The following TCF7L2 variants were observed in gnomAD, a reference collection of about 807,000 sequenced individuals.
The protein encoded by TCF7L2 is transcription factor 7-like 2.
A neutral mutation model predicts 77.9 loss-of-function variants in TCF7L2; 23 were observed. That is an observed-to-expected ratio of 0.30 (90% CI 0.21 to 0.42). The LOEUF (loss-of-function observed/expected upper bound fraction) is 0.42. Ranked by LOEUF, TCF7L2 falls within the 10% of genes least tolerant of loss-of-function variation. The probability of loss-of-function intolerance (pLI) is 1.00; values close to 1 mark genes in which losing one functional copy is unlikely to be tolerated. For synonymous variants in TCF7L2, 413 were observed against 340.2 expected (o/e 1.21, Z -2.36); for missense variants, 654 against 793.1 (o/e 0.82, Z 2.11).
chr10:112,985,334 A>G (rs2041279525), intron 4 of TCF7L2, among the ~76,000 whole-genome samples: 1 of 152,196 alleles, frequency 6.6e-6, no homozygotes, highest in Non-Finnish European at 1.5e-5. Context: ...TCAGATGGAT[A>G]TCAAAATAGG....
intron 5 of TCF7L2, among the ~76,000 whole-genome samples, chr10:113,116,193 T>A (rs752753855): frequency 6.6e-6 from 1 of 152,188 alleles, no homozygotes; most frequent in Non-Finnish European, 1.5e-5. Context: ...TTTCTCCCTC[T>A]TTTCCCTTCC....
At chr10:113,002,124 C>G (rs898545731) in intron 4 of TCF7L2, among the ~76,000 whole-genome samples, 2 of 152,126 alleles carry the variant, frequency 1.3e-5, no homozygotes, top group South Asian at 4.2e-4. Flanking sequence ...ACTTATGAAG[C>G]CTGTAGGTTG....
intron 5 of TCF7L2, among the ~76,000 whole-genome samples, chr10:113,103,476 G>GA (rs576325969): frequency 3.4e-4 from 51 of 150,882 alleles, no homozygotes; most frequent in Admixed American, 5.3e-4. Context: ...AAGTAAGAAA[G>GA]AAAAAAAAAT....
At position 112,950,822 on chromosome 10, in the gene TCF7L2, A is replaced by G. The variant is rs369358979; in HGVS notation, c.66A>G (p.Lys22=). Residue 22 remains lysine (K), a synonymous_variant, in exon 1 of 14, where the codon AAA becomes AAG. Transcript: ENST00000627217. Reference sequence around the variant, plus strand: ...CCAACGACGAACTGATTTCCTTCAAAGACGAGGGCGAACAGGAGGAGAAGA... The same window carrying G: ...CCAACGACGAACTGATTTCCTTCAAGGACGAGGGCGAACAGGAGGAGAAGA... The G allele has an allele frequency of 6.2e-7, 1 of 1,603,632 alleles. No individual in the cohort carries two copies. Among genetic ancestry groups the G allele is most frequent in the African/African-American group, 1.3e-5 (1 of 74,898 alleles).
At chr10:112,966,612 G>A (rs1182676075) in intron 4 of TCF7L2, among the ~76,000 whole-genome samples, 2 of 152,126 alleles carry the variant, frequency 1.3e-5, no homozygotes, top group Non-Finnish European at 2.9e-5. Flanking sequence ...ATAGGATAGT[G>A]ATCCTTATCT....
chr10:113,085,162 G>C (rs2059704518), intron 5 of TCF7L2, among the ~76,000 whole-genome samples: 1 of 151,688 alleles, frequency 6.6e-6, no homozygotes, highest in African/African-American at 2.4e-5. Flanking sequence ...GATCTTCCAG[G>C]CTTAACCAAA....
intron 11 of TCF7L2, among the ~76,000 whole-genome samples, chr10:113,156,760 T>G (rs2071995113): frequency 6.6e-6 from 1 of 152,216 alleles, no homozygotes; most frequent in Non-Finnish European, 1.5e-5. Context: ...GGCTGGGCAT[T>G]AAACTTGTAG....
At position 112,961,373 on chromosome 10, in the gene TCF7L2, C is replaced by T. The variant is rs529652688; in HGVS notation, c.382-3183C>T. On this transcript the variant is annotated intron_variant, in intron 3 of 13. Transcript: ENST00000627217. Reference sequence around the variant, plus strand: ...GCCTTAGTCATCTTGTCCTGGACTTCGCAGTCTCACCTCATATTCCAAAGC... The same window carrying T: ...GCCTTAGTCATCTTGTCCTGGACTTTGCAGTCTCACCTCATATTCCAAAGC... 1.3e-4 allele frequency among the ~76,000 whole-genome samples: 19 copies of T among 151,592 alleles called. No homozygotes were observed. In the South Asian group the frequency reaches 3.5e-3, roughly 28 times the overall value.
At chr10:113,095,170 T>C (rs2060821973) in intron 5 of TCF7L2, among the ~76,000 whole-genome samples, 1 of 152,110 alleles carries the variant, frequency 6.6e-6, no homozygotes, top group Non-Finnish European at 1.5e-5. Flanking sequence ...TGCAACTGCA[T>C]CTCATGTGGC....
chr10:113,131,454 T>C (rs1020593936), intron 5 of TCF7L2, among the ~76,000 whole-genome samples: 2 of 152,214 alleles, frequency 1.3e-5, no homozygotes, highest in Non-Finnish European at 2.9e-5. Context: ...CAAATGTGTA[T>C]GTTGTGTTAC....
At chr10:113,126,853 A>C in intron 5 of TCF7L2, 1 of 987,032 alleles carries the variant, frequency 1.0e-6, no homozygotes, top group Non-Finnish European at 1.2e-6. Context: ...CGGCAGCGGG[A>C]AGGACAGCGC....
At chr10:113,059,203 T>C (rs1314564853) in intron 5 of TCF7L2, among the ~76,000 whole-genome samples, 1 of 152,164 alleles carries the variant, frequency 6.6e-6, no homozygotes, top group Non-Finnish European at 1.5e-5. Context: ...GGAGGACTTT[T>C]AAATGTTTTC....
chr10:113,154,386 G>A (rs1454306719), intron 11 of TCF7L2, among the ~76,000 whole-genome samples: 2 of 152,142 alleles, frequency 1.3e-5, no homozygotes, highest in Non-Finnish European at 2.9e-5. Context: ...GAGTAATCTA[G>A]AATGATACCA....
At chr10:113,114,839 AATTT>A (rs2063534189) in intron 5 of TCF7L2, among the ~76,000 whole-genome samples, 1 of 152,178 alleles carries the variant, frequency 6.6e-6, no homozygotes, top group African/African-American at 2.4e-5. Context: ...AATTGCTAAG[AATTT>A]TTTTCCAGAT....
intron 5 of TCF7L2, among the ~76,000 whole-genome samples, chr10:113,041,309 TC>T (rs2052399236): frequency 6.6e-6 from 1 of 152,212 alleles, no homozygotes; most frequent in Non-Finnish European, 1.5e-5. Context: ...GCTTCCCCTT[TC>T]CTCTAACTCC....
At chr10:112,998,814 T>C (rs1039400953) in intron 4 of TCF7L2, among the ~76,000 whole-genome samples, 1 of 152,206 alleles carries the variant, frequency 6.6e-6, no homozygotes, top group Non-Finnish European at 1.5e-5. Flanking sequence ...CAACAATACA[T>C]AGTGAAAGTT....
chr10:112,950,327 T>C lies in TCF7L2; in HGVS notation c.-430T>C, dbSNP rs908350765. ...TTCTATCTGTCAATCAGCGCCGCCT[T>C]TGAACTGAAAAGCTCTCAGTCTAAC... On this transcript the variant is annotated 5_prime_UTR_variant, in exon 1 of 14. Transcript: ENST00000627217. 4 of 238,322 alleles carry C rather than the reference T, an allele frequency of 1.7e-5. No homozygotes were observed. Among genetic ancestry groups the C allele is most frequent in the Non-Finnish European group, 3.3e-5 (4 of 121,520 alleles). The allele number at this position is 238,322 out of a possible 1,614,324, so 14.8% of individuals were successfully genotyped here. A position where few individuals can be genotyped will look rare whatever the true frequency, so the allele number is the denominator to read the frequency against.
intron 11 of TCF7L2, among the ~76,000 whole-genome samples, chr10:113,154,783 A>G (rs931756272): frequency 6.6e-6 from 1 of 152,202 alleles, no homozygotes; most frequent in African/African-American, 2.4e-5. Flanking sequence ...TTTGAGGTTT[A>G]GAGATCTGGA....
intron 5 of TCF7L2, among the ~76,000 whole-genome samples, chr10:113,123,666 A>G (rs911310539): frequency 1.3e-5 from 2 of 152,204 alleles, no homozygotes; most frequent in South Asian, 4.1e-4. Context: ...GGCATTGGGA[A>G]TATATCCTTA....
Sources: gnomAD v4.1 joint callset for allele counts (sites outside exome capture counted in the v4.1 genomes callset) on GRCh38, gnomAD v4.1.1 for gene constraint, MANE v1.5 for transcripts, NCBI Gene and HGNC (gene_info 2026-07-23, HGNC 2026-07-21) for gene names.